Variants in GALNT1 observed in about 807,000 individuals in gnomAD.
The protein encoded by GALNT1 is GalNAc transferase 1.
In GALNT1, 17 loss-of-function variants were observed where a neutral mutation model predicts 65.7. The observed-to-expected ratio is 0.26, with a 90% CI of 0.18 to 0.39. The LOEUF (loss-of-function observed/expected upper bound fraction) is 0.39, where lower values mean the gene tolerates loss of function less well. GALNT1 is among the 10% of genes least tolerant of loss of function. The probability of loss-of-function intolerance (pLI) is 1.00; values close to 1 mark genes in which losing one functional copy is unlikely to be tolerated. For missense variants in GALNT1, 460 were observed against 672.8 expected (o/e 0.68, Z 3.50); for synonymous variants, 210 against 219.7 (o/e 0.96, Z 0.39).
chr18:35,601,735 C>G (rs1185884134), intron 1 of GALNT1, among the ~76,000 whole-genome samples: 1 of 152,132 alleles, frequency 6.6e-6, no homozygotes, highest in African/African-American at 2.4e-5. Context: ...GGAGAATGTT[C>G]CATGTGCCGA....
chr18:35,660,307 C>T (rs1480480694), intron 2 of GALNT1, among the ~76,000 whole-genome samples: 2 of 151,996 alleles, frequency 1.3e-5, no homozygotes, highest in Non-Finnish European at 2.9e-5. Flanking sequence ...AAAGGCATGC[C>T]AGTGGTTTGT....
intron 11 of GALNT1, among the ~76,000 whole-genome samples, chr18:35,704,939 C>T (rs2144755877): frequency 6.6e-6 from 1 of 152,318 alleles, no homozygotes; most frequent in African/African-American, 2.4e-5. Flanking sequence ...CCACTGCACC[C>T]AGCCTGGCCT....
At chr18:35,594,022 C>T (rs2046475817) in intron 1 of GALNT1, among the ~76,000 whole-genome samples, 1 of 146,260 alleles carries the variant, frequency 6.8e-6, no homozygotes, top group African/African-American at 2.6e-5. Flanking sequence ...TAATACAAAT[C>T]TTGATTTTTC....
rs369403637 is a variant in GALNT1, at chr18:35,640,427, T to G, written c.-103-14133T>G. ...AACCTTTAAAAGAAAATTATAAAATTTTATTGGAAGATGTTAGGAAAGGTC... is the reference window on the plus strand; with the variant it reads ...AACCTTTAAAAGAAAATTATAAAATGTTATTGGAAGATGTTAGGAAAGGTC... On this transcript the variant is annotated intron_variant, in intron 1 of 11. Transcript: ENST00000269195. Among the ~76,000 whole-genome samples the G allele has an allele frequency of 2.0e-5, 3 of 152,124 alleles. No homozygotes were observed. The East Asian group carries it at 5.8e-4, about 29-fold the overall frequency.
chr18:35,588,349 T>C (rs551042179), intron 1 of GALNT1, among the ~76,000 whole-genome samples: 11 of 152,346 alleles, frequency 7.2e-5, no homozygotes, highest in African/African-American at 2.2e-4. Context: ...TTTCTCTCAC[T>C]GTTCTCAGGA....
chr18:35,631,643 G>T (rs1013843968), intron 1 of GALNT1, among the ~76,000 whole-genome samples: 5 of 152,076 alleles, frequency 3.3e-5, no homozygotes, highest in Admixed American at 2.0e-4. Flanking sequence ...TTGAAAACTG[G>T]CACAAGACAG....
chr18:35,597,955 T>C lies in GALNT1; in HGVS notation c.-104+16093T>C, dbSNP rs995618198. Among the ~76,000 whole-genome samples the C allele has an allele frequency of 8.2e-4, 124 of 150,826 alleles. 1 individual carries two copies. The highest frequency in any genetic ancestry group is 2.6e-3 in the African/African-American group (107 of 41,042). On this transcript the variant is annotated intron_variant, in intron 1 of 11. Transcript: ENST00000269195. The stretch of plus-strand genomic sequence containing the variant: ...TATATCATTGTTAACTATAGTCACC[T>C]GACTATACTATTGAGCAATAGCTTT...
At position 35,692,183 on chromosome 18, in the gene GALNT1, G is replaced by A; in HGVS notation, c.1162G>A (p.Val388Ile). 6.2e-7 allele frequency: 1 copy of A among 1,605,332 alleles called. No homozygotes were observed. The highest frequency in any genetic ancestry group is 1.1e-5 in the South Asian group (1 of 89,656). The change falls in exon 9 of 12, where the codon GTT becomes ATT. Residue 388 changes from valine (V) to isoleucine (I), a missense_variant and splice_region_variant. Val to Ile is a conservative substitution (Grantham distance 29). Coordinates refer to ENST00000269195, the MANE Select transcript of GALNT1 (RefSeq NM_020474.4). ...GAGTCAATTATTTCTTTCAACAGGT[G>A]TTACAAAGGTAGATTATGGAGATAT... ...KNFFYIISPG[V>I]TKVDYGDISS...
intron 1 of GALNT1, among the ~76,000 whole-genome samples, chr18:35,604,243 G>A (rs934637944): frequency 6.6e-6 from 1 of 152,116 alleles, no homozygotes; most frequent in Non-Finnish European, 1.5e-5. Flanking sequence ...TGCAAAGGAC[G>A]TGATTTTGTT....
intron 9 of GALNT1, among the ~76,000 whole-genome samples, chr18:35,694,039 A>T (rs1460728058): frequency 6.6e-6 from 1 of 152,202 alleles, no homozygotes; most frequent in Non-Finnish European, 1.5e-5. Flanking sequence ...GGAAGTGATC[A>T]GCTGTATCGA....
intron 1 of GALNT1, among the ~76,000 whole-genome samples, chr18:35,603,012 C>T (rs2046601180): frequency 6.6e-6 from 1 of 152,186 alleles, no homozygotes; most frequent in Non-Finnish European, 1.5e-5. Flanking sequence ...AAGTTCTTTG[C>T]AGTTGACTGT....
At chr18:35,639,593 A>G (rs2047135574) in intron 1 of GALNT1, among the ~76,000 whole-genome samples, 1 of 152,176 alleles carries the variant, frequency 6.6e-6, no homozygotes, top group African/African-American at 2.4e-5. Flanking sequence ...AAGAACAACA[A>G]TATAGTAGAC....
Position 35,601,131 on chromosome 18 carries a change from T to G in GALNT1, c.-104+19269T>G, listed in dbSNP as rs373058509. 1.7e-4 allele frequency among the ~76,000 whole-genome samples: 26 copies of G among 152,238 alleles called. 1 individual carries two copies. Among genetic ancestry groups the G allele is most frequent in the East Asian group, 7.7e-4 (4 of 5,188 alleles). ...CAGATTTAATCTTGTTACTTTTGAT[T>G]GGTCTGTTCAGGTTTTCTATTTCTT... On this transcript the variant is annotated intron_variant, in intron 1 of 11. Transcript: ENST00000269195.
At chr18:35,635,085 C>G (rs1180690699) in intron 1 of GALNT1, among the ~76,000 whole-genome samples, 3 of 152,140 alleles carry the variant, frequency 2.0e-5, no homozygotes. Context: ...CAACATAAAG[C>G]TGTACTCATG....
At chr18:35,696,398 G>A (rs2048057508) in intron 9 of GALNT1, among the ~76,000 whole-genome samples, 1 of 152,214 alleles carries the variant, frequency 6.6e-6, no homozygotes, top group African/African-American at 2.4e-5. Context: ...TATGACTAGG[G>A]TAATAGATAT....
At chr18:35,645,165 C>T (rs1397384729) in intron 1 of GALNT1, among the ~76,000 whole-genome samples, 1 of 150,242 alleles carries the variant, frequency 6.7e-6, no homozygotes, top group Non-Finnish European at 1.5e-5. Flanking sequence ...CAATAAAGCT[C>T]CACAGTTTTC....
At chr18:35,602,648 C>G (rs1369565625) in intron 1 of GALNT1, among the ~76,000 whole-genome samples, 2 of 152,158 alleles carry the variant, frequency 1.3e-5, no homozygotes, top group Non-Finnish European at 2.9e-5. Context: ...CCCTCTAATA[C>G]ACTTTTCAGT....
At chr18:35,633,371 T>A (rs1169883336) in intron 1 of GALNT1, among the ~76,000 whole-genome samples, 3 of 152,054 alleles carry the variant, frequency 2.0e-5, no homozygotes, top group South Asian at 4.1e-4. Flanking sequence ...ACCATAAAAA[T>A]GGATGAGTTC....
chr18:35,700,226 G>C (rs967821685), intron 9 of GALNT1, among the ~76,000 whole-genome samples: 1 of 152,190 alleles, frequency 6.6e-6, no homozygotes, highest in African/African-American at 2.4e-5. Context: ...GACCCACCTG[G>C]AGAGCAGATG....
Sources: gnomAD v4.1 joint callset for allele counts (sites outside exome capture counted in the v4.1 genomes callset) on GRCh38, gnomAD v4.1.1 for gene constraint, MANE v1.5 for transcripts, NCBI Gene and HGNC (gene_info 2026-07-23, HGNC 2026-07-21) for gene names.